Variants in AFAP1 observed in about 807,000 individuals in gnomAD.
The protein encoded by AFAP1 is actin filament associated protein 1.
In AFAP1, 75 loss-of-function variants were observed where a neutral mutation model predicts 93.9. The observed-to-expected ratio is 0.80, with a 90% CI of 0.66 to 0.97. The LOEUF (loss-of-function observed/expected upper bound fraction) is 0.97, where lower values mean the gene tolerates loss of function less well. Among genes scored for constraint, AFAP1 ranks in the 50% least tolerant of loss-of-function variants. AFAP1 has a pLI of 0.00. For missense variants in AFAP1, 1,201 were observed against 1,050.8 expected (o/e 1.14, Z -1.98); for synonymous variants, 517 against 430.7 (o/e 1.20, Z -2.48).
intron 1 of AFAP1, among the ~76,000 whole-genome samples, chr4:7,878,414 C>T (rs1196856635): frequency 6.6e-6 from 1 of 152,220 alleles, no homozygotes; most frequent in African/African-American, 2.4e-5. Context: ...TCCCCTTATA[C>T]CACCTCAGAC....
chr4:7,905,314 A>T (rs1311485806), intron 1 of AFAP1, among the ~76,000 whole-genome samples: 6 of 152,270 alleles, frequency 3.9e-5, no homozygotes, highest in African/African-American at 1.4e-4. Context: ...CCTAGCAGGT[A>T]ATCTTTTGGG....
intron 3 of AFAP1, among the ~76,000 whole-genome samples, chr4:7,861,427 G>T (rs73090514): frequency 6.4e-4 from 97 of 152,240 alleles, no homozygotes; most frequent in Non-Finnish European, 4.9e-4. Context: ...TAAGAATTCT[G>T]AGTACATACT....
At chr4:7,800,123 A>G (rs183371476) in intron 10 of AFAP1, among the ~76,000 whole-genome samples, 11 of 152,308 alleles carry the variant, frequency 7.2e-5, no homozygotes, top group African/African-American at 1.4e-4. Context: ...AATGTACTCT[A>G]TGGGATTGTG....
Position 7,926,030 on chromosome 4 carries a change from G to A in AFAP1, c.-3+13626C>T, listed in dbSNP as rs115423811. Among the ~76,000 whole-genome samples the A allele has an allele frequency of 1.2e-3, 185 of 152,162 alleles. 1 individual carries two copies. Among genetic ancestry groups the A allele is most frequent in the African/African-American group, 4.3e-3 (178 of 41,504 alleles). On this transcript the variant is annotated intron_variant, in intron 1 of 17. Transcript: ENST00000420658. ...CCAACAGCTGTGAGTTCCTACTGCC[G>A]CCCCACTTTACCCCGAGGGAGAAGC...
At position 7,768,874 on chromosome 4, in the gene AFAP1, G is replaced by A; in HGVS notation, c.2388C>T (p.Pro796=). 1 of 1,607,454 alleles carries A rather than the reference G, an allele frequency of 6.2e-7. No homozygotes were observed. ...KKSQAAPGSS[P]CRGHVLRKAK... is the part of the protein sequence containing the mutation. ...CCTTCCGCAGCACATGCCCTCGGCA[G>A]GGGGAGCTGCCCGGGGCAGCCTGGC... Residue 796 remains proline, a synonymous_variant, in exon 17 of 18, where the codon CCC becomes CCT. Coordinates refer to ENST00000420658, the MANE Select transcript of AFAP1 (RefSeq NM_001134647.2).
rs557405611 is a variant in AFAP1, at chr4:7,758,851, C to G, written c.*4914G>C. Reference sequence around the variant, plus strand: ...GCTACTACAAAGTGGGGCGAGTGGACTGAAAACTAGGATTTTCCTTGCAAG... The same window carrying G: ...GCTACTACAAAGTGGGGCGAGTGGAGTGAAAACTAGGATTTTCCTTGCAAG... On this transcript the variant is annotated 3_prime_UTR_variant, in exon 18 of 18. Transcript: ENST00000420658. 2 of 152,330 alleles carry G rather than the reference C, an allele frequency of 1.3e-5. No individual in the cohort carries two copies. Among genetic ancestry groups the G allele is most frequent in the Admixed American group, 6.5e-5 (1 of 15,302 alleles). 9.4% of individuals were successfully genotyped at this position (152,330 alleles called of 1,614,324 possible). A position where few individuals can be genotyped will look rare whatever the true frequency, so the allele number is the denominator to read the frequency against.
chr4:7,778,836 G>A lies in AFAP1; in HGVS notation c.1823C>T (p.Thr608Ile). The A allele has an allele frequency of 2.5e-6, 4 of 1,614,150 alleles. No individual in the cohort carries two copies. Among genetic ancestry groups the A allele is most frequent in the Non-Finnish European group, 3.4e-6 (4 of 1,180,030 alleles). Reference protein sequence around the residue: ...KKPPVASNGVTGKGKTLSSQP... With the variant: ...KKPPVASNGVIGKGKTLSSQP... ...ACTGCTCAGAGTCTTCCCTTTTCCT[G>A]TGACCCCATTAGACGCCACGGGGGG... The change falls in exon 14 of 18, where the codon ACA becomes ATA. Residue 608 changes from threonine to isoleucine, a missense_variant. Coordinates refer to ENST00000420658, the MANE Select transcript of AFAP1 (RefSeq NM_001134647.2).
At chr4:7,931,459 GT>G (rs1721061766) in intron 1 of AFAP1, among the ~76,000 whole-genome samples, 1 of 151,652 alleles carries the variant, frequency 6.6e-6, no homozygotes, top group South Asian at 2.1e-4. Flanking sequence ...TGGTGCAATT[GT>G]AGCTTACTGC....
Position 7,793,681 on chromosome 4 carries a change from C to A in AFAP1, c.1412G>T (p.Cys471Phe), listed in dbSNP as rs777022479. The A allele has an allele frequency of 6.5e-7, 1 of 1,538,296 alleles. No homozygotes were observed. Among genetic ancestry groups the A allele is most frequent in the Non-Finnish European group, 8.9e-7 (1 of 1,126,412 alleles). Residue 471 changes from cysteine (C) to phenylalanine (F), a missense_variant and splice_region_variant, in exon 11 of 18, where the codon TGT (cysteine) becomes TTT (phenylalanine). Transcript: ENST00000420658. ...CATTTCACATGGCAGTGGGTCTTAC[C>A]AGAAGGTCTGTTTGGCTGTCTGAAT... ...SVIQTAKQTFCFMNRRVISAN... is the reference protein window; with the variant it reads ...SVIQTAKQTFFFMNRRVISAN...
rs1269642946 is a variant in AFAP1, at chr4:7,763,463, C to CCTAT, written c.*298_*301dup. 2.3e-5 allele frequency: 9 copies of CCTAT among 397,098 alleles called. No individual in the cohort carries two copies. The highest frequency in any genetic ancestry group is 1.6e-4 in the African/African-American group (8 of 48,564). The allele number at this position is 397,098 out of a possible 1,614,324, so 24.6% of individuals were successfully genotyped here. A position where few individuals can be genotyped will look rare whatever the true frequency, so the allele number is the denominator to read the frequency against. Reference sequence around the variant, plus strand: ...GGGTTGGAATCGGTGAAAGCAATGGCCTATCTGGTTAGAAAGATGTCACTT... The same window carrying CCTAT: ...GGGTTGGAATCGGTGAAAGCAATGGCCTATCTATCTGGTTAGAAAGATGTCACTT... On this transcript the variant is annotated 3_prime_UTR_variant, in exon 18 of 18. Coordinates refer to ENST00000420658, the MANE Select transcript of AFAP1 (RefSeq NM_001134647.2).
At chr4:7,871,367 T>G (rs1446056525) in intron 2 of AFAP1, among the ~76,000 whole-genome samples, 2 of 152,218 alleles carry the variant, frequency 1.3e-5, no homozygotes, top group Non-Finnish European at 2.9e-5. Flanking sequence ...AAACCCTGCC[T>G]GTCCTGGAAT....
chr4:7,910,138 T>C (rs756671093), intron 1 of AFAP1, among the ~76,000 whole-genome samples: 3 of 152,082 alleles, frequency 2.0e-5, no homozygotes, highest in Non-Finnish European at 4.4e-5. Flanking sequence ...AAATTCAGAA[T>C]CAGGGAAAAA....
At position 7,759,348 on chromosome 4, in the gene AFAP1, C is replaced by CGG. The variant is rs1415099545; in HGVS notation, c.*4416_*4417insCC. ...ACCAAAGCCGGAACTATTTCATGAACTACGGGCGAAAGGATGCGTCTGACG... is the reference window on the plus strand; with the variant it reads ...ACCAAAGCCGGAACTATTTCATGAACGGTACGGGCGAAAGGATGCGTCTGACG... On this transcript the variant is annotated 3_prime_UTR_variant, in exon 18 of 18. Transcript: ENST00000420658. 2 of 152,646 alleles carry CGG rather than the reference C, an allele frequency of 1.3e-5. No homozygotes were observed. Among genetic ancestry groups the CGG allele is most frequent in the African/African-American group, 4.8e-5 (2 of 41,454 alleles). The allele number at this position is 152,646 out of a possible 1,614,324, so 9.5% of individuals were successfully genotyped here.
chr4:7,918,595 GC>G (rs1720234306), intron 1 of AFAP1, among the ~76,000 whole-genome samples: 4 of 139,954 alleles, frequency 2.9e-5, no homozygotes, highest in Non-Finnish European at 3.1e-5. Context: ...AAACAGGGCT[GC>G]CGGAAGAGAC....
chr4:7,792,902 A>C (rs1343383872), intron 11 of AFAP1, among the ~76,000 whole-genome samples: 1 of 152,220 alleles, frequency 6.6e-6, no homozygotes, highest in African/African-American at 2.4e-5. Context: ...GACAATGATT[A>C]TTCATACGGC....
At chr4:7,818,651 T>C (rs1260278111) in intron 7 of AFAP1, among the ~76,000 whole-genome samples, 1 of 152,172 alleles carries the variant, frequency 6.6e-6, no homozygotes, top group East Asian at 1.9e-4. Context: ...GCTGTGCCCC[T>C]CTGCCTTCCA....
At chr4:7,902,901 C>T (rs548389087) in intron 1 of AFAP1, among the ~76,000 whole-genome samples, 1 of 152,362 alleles carries the variant, frequency 6.6e-6, no homozygotes, top group African/African-American at 2.4e-5. Context: ...GCTCTTCATA[C>T]ACACATACAC....
In AFAP1 at chr4:7,870,124, T is replaced by C. The variant is rs557219557; in HGVS notation, c.128-1405A>G. Among the ~76,000 whole-genome samples the C allele has an allele frequency of 3.3e-5, 5 of 152,332 alleles. 1 individual carries two copies. The South Asian group carries it at 1.0e-3, about 32-fold the overall frequency. ...ACATCCCATGAGGTCAATACTACCA[T>C]TAGCCCTTTTTATACACGGAGGAAA... On this transcript the variant is annotated intron_variant, in intron 2 of 17. Transcript: ENST00000420658.
In AFAP1 at chr4:7,781,536, G is replaced by C. The variant is rs1035960127; in HGVS notation, c.1622C>G (p.Pro541Arg). 1 of 1,552,116 alleles carries C rather than the reference G, an allele frequency of 6.4e-7. No individual in the cohort carries two copies. Residue 541 changes from proline to arginine, a missense_variant, in exon 13 of 18, where the codon CCG becomes CGG. By Grantham distance (103) the Pro-to-Arg change is moderately radical. Transcript: ENST00000420658. ...YDNAGLYDNL[P>R]PPHIFARYSP... ...GTAGCGGGCAAAGATGTGCGGAGGC[G>C]GCAAGTTATCGTACAGGCCTGCGTT...
Sources: allele counts gnomAD v4.1 joint callset (sites outside exome capture counted in the v4.1 genomes callset), GRCh38; gene constraint gnomAD v4.1.1; transcripts MANE v1.5; gene names NCBI Gene and HGNC (gene_info 2026-07-23, HGNC 2026-07-21).